The following ABCA1 variants were observed in gnomAD, a reference collection of about 807,000 sequenced individuals.
The protein encoded by ABCA1 is phospholipid-transporting ATPase ABCA1.
Under a neutral mutation model 262.5 loss-of-function variants are expected in ABCA1, and 133 were observed. The ratio of observed to expected loss-of-function variants is 0.51; its 90% CI spans 0.44 to 0.59. The LOEUF (loss-of-function observed/expected upper bound fraction) is 0.59. Ranked by LOEUF, ABCA1 falls within the 20% of genes least tolerant of loss-of-function variation. The probability of loss-of-function intolerance (pLI) is 0.00; values close to 1 mark genes in which losing one functional copy is unlikely to be tolerated. For synonymous variants in ABCA1, 1,022 were observed against 1,043.5 expected (o/e 0.98, Z 0.40); for missense variants, 2,452 against 2,777.5 (o/e 0.88, Z 2.63).
chr9:104,803,343 A>C (rs566672865), intron 32 of ABCA1, 27 bp from the exon 33 acceptor site: 1 of 1,612,836 alleles, frequency 6.2e-7, no homozygotes, highest in African/African-American at 1.3e-5. Flanking sequence ...ACAAAAAATC[A>C]GTTCAAAGAA....
At chr9:104,891,968 A>C (rs1354822225) in intron 2 of ABCA1, among the ~76,000 whole-genome samples, 1 of 50,006 alleles carries the variant, frequency 2.0e-5, no homozygotes, top group Admixed American at 1.6e-4. Flanking sequence ...CTGTCTCTTA[A>C]AAAAAAAAAA....
At chr9:104,892,523 A>G (rs1839835634) in intron 2 of ABCA1, among the ~76,000 whole-genome samples, 1 of 152,078 alleles carries the variant, frequency 6.6e-6, no homozygotes, top group East Asian at 1.9e-4. Context: ...CCTCATCTCA[A>G]TTTCCCCAGG....
chr9:104,917,375 C>A (rs1841908231), intron 1 of ABCA1, among the ~76,000 whole-genome samples: 1 of 152,188 alleles, frequency 6.6e-6, no homozygotes, highest in Admixed American at 6.5e-5. Flanking sequence ...GATGAACAAG[C>A]ACAGTATTAA....
At chr9:104,848,965 C>T (rs1835140501) in intron 7 of ABCA1, among the ~76,000 whole-genome samples, 1 of 152,106 alleles carries the variant, frequency 6.6e-6, no homozygotes, top group African/African-American at 2.4e-5. Context: ...TCTAAAAACC[C>T]CAAACCCAAC....
At chr9:104,799,279 T>C (rs930999587) in intron 36 of ABCA1, among the ~76,000 whole-genome samples, 1 of 152,018 alleles carries the variant, frequency 6.6e-6, no homozygotes, top group Admixed American at 6.6e-5. Flanking sequence ...GCAATTTACA[T>C]GAACTGCCTC....
At chr9:104,885,869 C>T (rs999136100) in intron 3 of ABCA1, among the ~76,000 whole-genome samples, 4 of 152,140 alleles carry the variant, frequency 2.6e-5, no homozygotes, top group African/African-American at 9.7e-5. Context: ...AACCACAGCT[C>T]TAGGTGGTGA....
In ABCA1 at chr9:104,852,628, G is replaced by A. The variant is rs560860000; in HGVS notation, c.720+5894C>T. 1.7e-3 allele frequency among the ~76,000 whole-genome samples: 255 copies of A among 152,274 alleles called. 1 individual carries two copies. Among genetic ancestry groups the A allele is most frequent in the African/African-American group, 5.6e-3 (234 of 41,536 alleles). Reference sequence around the variant, plus strand: ...TATTAACACACTGCTATATCTACCAGCTAGTGCTCTTCTTTTCCCATAAGA... The same window carrying A: ...TATTAACACACTGCTATATCTACCAACTAGTGCTCTTCTTTTCCCATAAGA... On this transcript the variant is annotated intron_variant, in intron 7 of 49. Coordinates refer to ENST00000374736, the MANE Select transcript of ABCA1 (RefSeq NM_005502.4).
Position 104,794,520 on chromosome 9 carries a change from A to AG in ABCA1, c.5383-11_5383-10insC. The AG allele has an allele frequency of 6.2e-7, 1 of 1,606,442 alleles. No homozygotes were observed. Among genetic ancestry groups the AG allele is most frequent in the African/African-American group, 1.3e-5 (1 of 74,760 alleles). Reference sequence around the variant, plus strand: ...TGATATTATTCAGCTTCTAAAAAAAAAAAAAAAAAATGGGAGGGAAGGGAG... The same window carrying AG: ...TGATATTATTCAGCTTCTAAAAAAAAGAAAAAAAAAATGGGAGGGAAGGGAG... On this transcript the variant is annotated splice_polypyrimidine_tract_variant and intron_variant, in intron 39 of 49. Transcript: ENST00000374736.
At chr9:104,909,378 T>C (rs10820743) in intron 1 of ABCA1, among the ~76,000 whole-genome samples, 43,245 of 151,700 alleles carry the variant, frequency 0.29, 6,544 homozygotes, top group East Asian at 0.59. Flanking sequence ...GGTGGTAGGA[T>C]TGACGAAGAA....
At chr9:104,826,097 T>C (rs1258581249) in intron 16 of ABCA1, among the ~76,000 whole-genome samples, 1 of 152,242 alleles carries the variant, frequency 6.6e-6, no homozygotes, top group Non-Finnish European at 1.5e-5. Flanking sequence ...CCACTCATTA[T>C]ATACAAACAT....
intron 4 of ABCA1, among the ~76,000 whole-genome samples, chr9:104,883,411 G>A (rs139094896): frequency 5.3e-5 from 8 of 151,898 alleles, no homozygotes; most frequent in African/African-American, 1.9e-4. Flanking sequence ...TTCAAGGCCC[G>A]GCTCATCATG....
At chr9:104,839,155 G>T (rs73519894) in intron 9 of ABCA1, among the ~76,000 whole-genome samples, 1,747 of 152,292 alleles carry the variant, frequency 0.011, 35 homozygotes, top group African/African-American at 0.039. Flanking sequence ...CTGCTGCCAC[G>T]AGGCATACGG....
chr9:104,826,167 C>T (rs189816120), intron 16 of ABCA1, among the ~76,000 whole-genome samples: 2 of 152,280 alleles, frequency 1.3e-5, no homozygotes, highest in Admixed American at 1.3e-4. Flanking sequence ...TCCAAAGATG[C>T]CCCAAGGCTC....
Position 104,845,492 on chromosome 9 carries a change from C to T in ABCA1, c.798G>A (p.Gly266=), listed in dbSNP as rs367833585. 2 of 1,613,692 alleles carry T rather than the reference C, an allele frequency of 1.2e-6. No homozygotes were observed. The highest frequency in any genetic ancestry group is 3.3e-5 in the Admixed American group (2 of 59,986). ...EATKTLLHSL[G]TLAQELFSMR... The stretch of plus-strand genomic sequence containing the variant: ...CACAACTTACCTCCTGGGCCAGAGT[C>T]CCAAGACTATGCAGCAATGTTTTTG... Residue 266 remains glycine (G), a synonymous_variant, in exon 8 of 50, where the codon GGG becomes GGA. Transcript: ENST00000374736.
chr9:104,809,321 G>A (rs1193819347), intron 30 of ABCA1, 145 bp downstream of exon 30: 9 of 860,196 alleles, frequency 1.0e-5, no homozygotes, highest in African/African-American at 5.0e-5. Flanking sequence ...TACTACCTTC[G>A]CTTTTTGTAA....
chr9:104,804,835 G>T (rs1830630298), intron 31 of ABCA1, 115 bp from the exon 32 acceptor site: 3 of 889,972 alleles, frequency 3.4e-6, no homozygotes, highest in Non-Finnish European at 5.6e-6. Flanking sequence ...CTGACTACAG[G>T]TCCCAGACAC....
At position 104,837,124 on chromosome 9, in the gene ABCA1, G is replaced by A. The variant is rs73663563; in HGVS notation, c.1195-28C>T. 1.9e-3 allele frequency: 2,907 copies of A among 1,549,658 alleles called. 54 individuals are homozygous for A. The African/African-American group carries it at 0.036, about 19-fold the overall frequency. On this transcript the variant is annotated intron_variant, in intron 10 of 49. Transcript: ENST00000374736. ...GGAGTCAGGTGGGGAGCCAGGGACC[G>A]CAGAAAAAGGAGGAGAAGCACAGAC...
Position 104,839,581 on chromosome 9 carries a change from C to T in ABCA1, c.1054+698G>A, listed in dbSNP as rs139956430. ...TATTTCTTTTTATGTTATTATAAAG[C>T]TTATCTCAATGGTAATATTAAGACC... On this transcript the variant is annotated intron_variant, in intron 9 of 49. Transcript: ENST00000374736. Among the ~76,000 whole-genome samples the T allele has an allele frequency of 6.7e-3, 1,015 of 152,200 alleles. 4 individuals carry two copies. The highest frequency in any genetic ancestry group is 0.027 in the Middle Eastern group (8 of 294).
At chr9:104,913,859 G>A (rs984353953) in intron 1 of ABCA1, among the ~76,000 whole-genome samples, 13 of 152,078 alleles carry the variant, frequency 8.5e-5, no homozygotes, top group African/African-American at 2.2e-4. Flanking sequence ...GCAGTGGCGC[G>A]ATCTCGGCTC....
Sources: gnomAD v4.1 joint callset for allele counts (sites outside exome capture counted in the v4.1 genomes callset) on GRCh38, gnomAD v4.1.1 for gene constraint, MANE v1.5 for transcripts, NCBI Gene and HGNC (gene_info 2026-07-23, HGNC 2026-07-21) for gene names.